Variants in AMMECR1 observed in about 807,000 individuals in gnomAD.
The protein encoded by AMMECR1 is AMMECR nuclear protein 1.
Under a neutral mutation model 22.5 loss-of-function variants are expected in AMMECR1, and 3 were observed. The ratio of observed to expected loss-of-function variants is 0.13; its 90% CI spans 0.06 to 0.35. The LOEUF is 0.35. Among genes scored for constraint, AMMECR1 ranks in the 10% least tolerant of loss-of-function variants. The probability of loss-of-function intolerance (pLI) is 1.00; values close to 1 mark genes in which losing one functional copy is unlikely to be tolerated. For synonymous variants in AMMECR1, 130 were observed against 116.7 expected (o/e 1.11, Z -0.74); for missense variants, 235 against 278.7 (o/e 0.84, Z 1.12).
chrX:110,316,856 T>G (rs1417685408), intron 1 of AMMECR1, among the ~76,000 whole-genome samples: 1 of 108,834 alleles, frequency 9.2e-6, no homozygotes, highest in Non-Finnish European at 1.9e-5. Flanking sequence ...ACCGTGGCTC[T>G]GTGGGGACAG....
intron 2 of AMMECR1, among the ~76,000 whole-genome samples, chrX:110,400,385 C>T (rs950520964): frequency 9.2e-6 from 1 of 108,684 alleles, no homozygotes; most frequent in African/African-American, 3.4e-5. Context: ...TATGGCTTTC[C>T]GTATTGTTCT....
intron 2 of AMMECR1, among the ~76,000 whole-genome samples, chrX:110,337,381 T>G (rs1362283369): frequency 8.9e-6 from 1 of 112,210 alleles, no homozygotes; most frequent in African/African-American, 3.2e-5. Context: ...TGTTCTCATT[T>G]GAAATTCTAA....
intron 2 of AMMECR1, among the ~76,000 whole-genome samples, chrX:110,344,074 C>T (rs1212193897): frequency 8.9e-5 from 10 of 111,747 alleles, no homozygotes; most frequent in East Asian, 2.8e-4. Context: ...GGAGGCATCA[C>T]GCTACCTGAC....
At chrX:110,254,085 C>G (rs2148193008) in intron 2 of AMMECR1, among the ~76,000 whole-genome samples, 1 of 110,891 alleles carries the variant, frequency 9.0e-6, no homozygotes, top group African/African-American at 3.3e-5. Context: ...TTCCTAGCAC[C>G]CAAAAGTTAA....
intron 2 of AMMECR1, chrX:110,219,250 T>C: frequency 8.7e-6 from 4 of 461,980 alleles, no homozygotes; most frequent in Middle Eastern, 1.3e-3. Context: ...ACGATTCTAC[T>C]TTCCCAGCAG....
At chrX:110,338,406 A>G (rs1411985753) in intron 2 of AMMECR1, among the ~76,000 whole-genome samples, 1 of 111,893 alleles carries the variant, frequency 8.9e-6, no homozygotes, top group Non-Finnish European at 1.9e-5. Flanking sequence ...CCAGGGTGGG[A>G]GAGACCTTTC....
intron 2 of AMMECR1, among the ~76,000 whole-genome samples, chrX:110,411,560 C>T (rs1028667497): frequency 2.7e-5 from 3 of 111,649 alleles, no homozygotes; most frequent in Non-Finnish European, 3.8e-5. Context: ...TGCAAAGCAA[C>T]GAGAAACTGT....
At chrX:110,234,002 T>G (rs760708013) in intron 2 of AMMECR1, among the ~76,000 whole-genome samples, 126 of 111,902 alleles carry the variant, frequency 1.1e-3, no homozygotes, top group African/African-American at 4.0e-3. Context: ...GAGAAAGAAA[T>G]AAAGGTATTC....
At chrX:110,246,314 A>C (rs1292098705) in intron 2 of AMMECR1, among the ~76,000 whole-genome samples, 1 of 112,498 alleles carries the variant, frequency 8.9e-6, no homozygotes, top group East Asian at 2.8e-4. Flanking sequence ...TAAAACTATA[A>C]ATAGAAAACA....
intron 1 of AMMECR1, among the ~76,000 whole-genome samples, chrX:110,294,430 G>C (rs780494512): frequency 1.8e-5 from 2 of 112,147 alleles, no homozygotes; most frequent in South Asian, 7.4e-4. Flanking sequence ...GGAAGAAGAT[G>C]GTAGTCACTT....
intron 2 of AMMECR1, among the ~76,000 whole-genome samples, chrX:110,380,308 T>C (rs182974783): frequency 9.0e-6 from 1 of 110,538 alleles, no homozygotes; most frequent in Non-Finnish European, 1.9e-5. Flanking sequence ...AACAATATAA[T>C]CAGAGAGCCA....
intron 2 of AMMECR1, among the ~76,000 whole-genome samples, chrX:110,405,608 A>G (rs750955528): frequency 1.4e-4 from 16 of 112,042 alleles, no homozygotes; most frequent in African/African-American, 4.9e-4. Flanking sequence ...AATAATTATA[A>G]TAAGCTGCTT....
intron 1 of AMMECR1, among the ~76,000 whole-genome samples, chrX:110,268,574 T>C (rs959822563): frequency 8.9e-6 from 1 of 112,266 alleles, no homozygotes; most frequent in Non-Finnish European, 1.9e-5. Context: ...TTGTATCTTG[T>C]GTGTGATAAC....
At chrX:110,437,216 C>G (rs1398157553) in intron 1 of AMMECR1, among the ~76,000 whole-genome samples, 1 of 111,829 alleles carries the variant, frequency 8.9e-6, no homozygotes, top group Non-Finnish European at 1.9e-5. Flanking sequence ...GAGCCCCTGA[C>G]CCCTGCAGTT....
At chrX:110,314,514 T>C (rs1470667349) in intron 1 of AMMECR1, among the ~76,000 whole-genome samples, 2 of 111,306 alleles carry the variant, frequency 1.8e-5, no homozygotes, top group Non-Finnish European at 3.8e-5. Flanking sequence ...GGCTCAGGCA[T>C]CCATATTTTT....
chrX:110,251,637 G>A (rs1412714827), intron 2 of AMMECR1, among the ~76,000 whole-genome samples: 1 of 112,074 alleles, frequency 8.9e-6, no homozygotes, highest in Non-Finnish European at 1.9e-5. Context: ...GGAAACCAGT[G>A]AGCCAGAATA....
At chrX:110,380,362 TTAAA>T (rs1387370935) in intron 2 of AMMECR1, among the ~76,000 whole-genome samples, 1 of 110,953 alleles carries the variant, frequency 9.0e-6, no homozygotes, top group Non-Finnish European at 1.9e-5. Flanking sequence ...ACAAAAAAAA[TTAAA>T]TACCTAAGAA....
intron 2 of AMMECR1, among the ~76,000 whole-genome samples, chrX:110,379,926 C>A (rs941853303): frequency 2.7e-5 from 3 of 111,640 alleles, no homozygotes; most frequent in Admixed American, 9.5e-5. Context: ...TTTCTTGCTA[C>A]AACTTTTGGA....
At chrX:110,351,674 G>C (rs924538115) in intron 2 of AMMECR1, among the ~76,000 whole-genome samples, 55 of 111,416 alleles carry the variant, frequency 4.9e-4, no homozygotes, top group African/African-American at 1.7e-3. Context: ...TCATAGCTTT[G>C]AATTAGGCCA....
Sources: allele counts gnomAD v4.1 joint callset (sites outside exome capture counted in the v4.1 genomes callset), GRCh38; gene constraint gnomAD v4.1.1; transcripts MANE v1.5; gene names NCBI Gene and HGNC (gene_info 2026-07-23, HGNC 2026-07-21).